The following WDPCP variants were observed in gnomAD, a reference collection of about 807,000 sequenced individuals.
The protein encoded by WDPCP is WD repeat-containing and planar cell polarity effector protein fritz homolog.
Under a neutral mutation model 93.1 loss-of-function variants are expected in WDPCP, and 71 were observed. The observed-to-expected ratio is 0.76, with a 90% CI of 0.63 to 0.93. The LOEUF (loss-of-function observed/expected upper bound fraction) is 0.93, where lower values mean the gene tolerates loss of function less well. Ranked by LOEUF, WDPCP falls within the 40% of genes least tolerant of loss-of-function variation. The pLI is 0.00. For missense variants in WDPCP, 844 were observed against 887.4 expected (o/e 0.95, Z 0.62); for synonymous variants, 315 against 315.0 (o/e 1.00, Z 0.00).
At chr2:63,382,996 C>T (rs1692439711) in intron 10 of WDPCP, among the ~76,000 whole-genome samples, 1 of 151,984 alleles carries the variant, frequency 6.6e-6, no homozygotes. Flanking sequence ...TTGCAGGAAA[C>T]CAAAAATATC....
Position 63,437,456 on chromosome 2 carries a change from T to C in WDPCP, c.598A>G (p.Lys200Glu). ...TKKMESSDVN[K>E]RLEKLSALDY... ...AAGGCTGAGAGTTTTTCCAGTCTTTTGTTTACATCAGAAGACTCCATCTTC... is the reference window on the plus strand; with the variant it reads ...AAGGCTGAGAGTTTTTCCAGTCTTTCGTTTACATCAGAAGACTCCATCTTC... Residue 200 changes from lysine to glutamate, a missense_variant, in exon 8 of 18, where the codon AAA becomes GAA. Transcript: ENST00000272321. The C allele has an allele frequency of 6.2e-7, 1 of 1,604,652 alleles. No individual in the cohort carries two copies. Among genetic ancestry groups the C allele is most frequent in the Non-Finnish European group, 8.5e-7 (1 of 1,175,438 alleles).
chr2:63,192,682 A>C (rs1470606535), intron 14 of WDPCP, among the ~76,000 whole-genome samples: 1 of 152,268 alleles, frequency 6.6e-6, no homozygotes, highest in African/African-American at 2.4e-5. Flanking sequence ...CAAACTGCTG[A>C]AGTCAAAAGA....
chr2:63,476,922 A>G (rs189366502), intron 6 of WDPCP, among the ~76,000 whole-genome samples: 1 of 152,314 alleles, frequency 6.6e-6, no homozygotes, highest in Admixed American at 6.5e-5. Context: ...CAAATAATTT[A>G]CCAGAGGCAT....
chr2:63,313,886 A>ATGTGTGTGTGTATATATTTATATATTTT, intron 12 of WDPCP, among the ~76,000 whole-genome samples: 1 of 74,502 alleles, frequency 1.3e-5, no homozygotes, highest in Non-Finnish European at 2.6e-5. Context: ...ATATATATAT[A>ATGTGTGTGTGTATATATTTATATATTTT]TTTTTTTTTT....
chr2:63,454,705 C>T (rs558516375), intron 6 of WDPCP, among the ~76,000 whole-genome samples: 38 of 152,086 alleles, frequency 2.5e-4, no homozygotes, highest in African/African-American at 3.1e-4. Context: ...CAGACACTGG[C>T]GATCCAGTGA....
At chr2:63,351,813 T>A (rs755330052) in intron 12 of WDPCP, among the ~76,000 whole-genome samples, 23 of 152,180 alleles carry the variant, frequency 1.5e-4, no homozygotes, top group Non-Finnish European at 2.8e-4. Flanking sequence ...GATTAAAGGG[T>A]GACTCTATTT....
chr2:63,736,190 C>A (rs1218461490), intron 2 of WDPCP, among the ~76,000 whole-genome samples: 2 of 152,202 alleles, frequency 1.3e-5, no homozygotes, highest in Admixed American at 6.5e-5. Flanking sequence ...AATGCATATT[C>A]TGCTGTGGAT....
At chr2:63,616,391 G>A (rs1709673811) in intron 3 of WDPCP, among the ~76,000 whole-genome samples, 1 of 152,110 alleles carries the variant, frequency 6.6e-6, no homozygotes, top group African/African-American at 2.4e-5. Flanking sequence ...AGGGAGGGAG[G>A]GTAAAGGGGC....
intron 2 of WDPCP, among the ~76,000 whole-genome samples, chr2:63,786,066 G>T (rs1670463732): frequency 6.6e-6 from 1 of 152,062 alleles, no homozygotes; most frequent in African/African-American, 2.4e-5. Context: ...CTGAGACAGG[G>T]TCTCTCTCTG....
At chr2:63,592,218 A>T (rs1159563334), upstream of WDPCP, among the ~76,000 whole-genome samples, 2 of 152,202 alleles carry the variant, frequency 1.3e-5, no homozygotes, top group African/African-American at 4.8e-5. Context: ...TCATCAGTGG[A>T]TTTATAAGGT....
chr2:63,290,478 C>G (rs929338793), intron 13 of WDPCP, among the ~76,000 whole-genome samples: 3 of 50,314 alleles, frequency 6.0e-5, no homozygotes, highest in Non-Finnish European at 9.2e-5. Context: ...TGAGGAAAGA[C>G]TTAATATTAG....
At chr2:63,144,416 C>A (rs1295118170) in intron 17 of WDPCP, among the ~76,000 whole-genome samples, 1 of 151,874 alleles carries the variant, frequency 6.6e-6, no homozygotes, top group Non-Finnish European at 1.5e-5. Flanking sequence ...TATTTTTGTC[C>A]AGCTAATTTT....
At chr2:63,572,876 C>G (rs1466687613) in intron 1 of WDPCP, among the ~76,000 whole-genome samples, 2 of 151,832 alleles carry the variant, frequency 1.3e-5, no homozygotes, top group Admixed American at 1.3e-4. Context: ...AACTTAAAAT[C>G]TGATATACAA....
In WDPCP at chr2:63,473,447, T is replaced by C. The variant is rs79394481; in HGVS notation, c.384+11157A>G. 3.9e-3 allele frequency among the ~76,000 whole-genome samples: 593 copies of C among 152,290 alleles called. 4 individuals are homozygous for C. Among genetic ancestry groups the C allele is most frequent in the African/African-American group, 0.013 (556 of 41,558 alleles). ...AAAAATTATTCCATCTCATTTTCTCTTTATACAAACTTTCAACATACCCCC... is the reference window on the plus strand; with the variant it reads ...AAAAATTATTCCATCTCATTTTCTCCTTATACAAACTTTCAACATACCCCC... On this transcript the variant is annotated intron_variant, in intron 6 of 17. Coordinates refer to ENST00000272321, the MANE Select transcript of WDPCP (RefSeq NM_015910.7).
At chr2:63,744,385 T>C (rs539460126) in intron 2 of WDPCP, among the ~76,000 whole-genome samples, 2 of 152,254 alleles carry the variant, frequency 1.3e-5, no homozygotes, top group East Asian at 3.9e-4. Context: ...GAGACAAGAT[T>C]CTGAGAAGAC....
intron 1 of WDPCP, among the ~76,000 whole-genome samples, chr2:63,508,313 G>T (rs1022234940): frequency 1.3e-5 from 2 of 152,114 alleles, no homozygotes; most frequent in Non-Finnish European, 2.9e-5. Context: ...TTTCAACCCA[G>T]AATTTCATAT....
At chr2:63,292,123 A>C (rs1434656855) in intron 13 of WDPCP, among the ~76,000 whole-genome samples, 1 of 124,524 alleles carries the variant, frequency 8.0e-6, no homozygotes, top group Non-Finnish European at 1.6e-5. Context: ...ACAGAGCAAG[A>C]CTCCGGCTCA....
chr2:63,707,013 C>T (rs1575753192), intron 2 of WDPCP, among the ~76,000 whole-genome samples: 1 of 152,186 alleles, frequency 6.6e-6, no homozygotes, highest in South Asian at 2.1e-4. Flanking sequence ...GTCTGATGGG[C>T]TTCCCTTTGT....
intron 17 of WDPCP, among the ~76,000 whole-genome samples, chr2:63,123,284 T>G (rs1669673295): frequency 6.6e-6 from 1 of 152,144 alleles, no homozygotes; most frequent in Non-Finnish European, 1.5e-5. Context: ...AGTTAGGTTT[T>G]GGCCTTGTTC....
Sources: allele counts gnomAD v4.1 joint callset (sites outside exome capture counted in the v4.1 genomes callset), GRCh38; gene constraint gnomAD v4.1.1; transcripts MANE v1.5; gene names NCBI Gene and HGNC (gene_info 2026-07-23, HGNC 2026-07-21).